The following SLC9A3 variants were observed in gnomAD, a reference collection of about 807,000 sequenced individuals.
SLC9A3 encodes solute carrier family 9 member A3, also known as sodium/hydrogen exchanger 3.
A neutral mutation model predicts 86.8 loss-of-function variants in SLC9A3; 37 were observed. That is an observed-to-expected ratio of 0.43 (90% CI 0.33 to 0.56). SLC9A3 has a LOEUF of 0.56. SLC9A3 is among the 20% of genes least tolerant of loss of function. SLC9A3 has a pLI of 0.06. For synonymous variants in SLC9A3, 581 were observed against 528.3 expected (o/e 1.10, Z -1.37); for missense variants, 1,011 against 1,171.9 (o/e 0.86, Z 2.00).
In SLC9A3 at chr5:476,397, A is replaced by G. The variant is rs780807654; in HGVS notation, c.1891-19T>C. 2 of 1,612,904 alleles carry G rather than the reference A, an allele frequency of 1.2e-6. No individual in the cohort carries two copies. Among genetic ancestry groups the G allele is most frequent in the Non-Finnish European group, 1.7e-6 (2 of 1,179,644 alleles). ...GCTTGTACTGCGGGATCAGGCACGG[A>G]GGTCACAGCTGTGCCCACCGCCGGA... On this transcript the variant is annotated intron_variant, in intron 12 of 16. Transcript: ENST00000264938.
chr5:502,359 C>T (rs1187589440), intron 1 of SLC9A3, among the ~76,000 whole-genome samples: 2 of 152,172 alleles, frequency 1.3e-5, no homozygotes, highest in Admixed American at 6.5e-5. Context: ...CCAAGCTGCC[C>T]ACAGCAGAGG....
intron 1 of SLC9A3, among the ~76,000 whole-genome samples, chr5:517,695 C>T (rs1428950277): frequency 6.6e-6 from 1 of 151,602 alleles, no homozygotes; most frequent in Non-Finnish European, 1.5e-5. Flanking sequence ...TCCATCCACC[C>T]ATCCATCCAT....
At chr5:480,082 C>T (rs1739064990) in intron 9 of SLC9A3, 117 bp from the exon 10 acceptor site, 18 of 1,188,140 alleles carry the variant, frequency 1.5e-5, no homozygotes, top group South Asian at 4.4e-5. Flanking sequence ...CCTGTAGGCG[C>T]GTTTAAAATG....
At chr5:490,333 G>C (rs1739674960) in intron 2 of SLC9A3, among the ~76,000 whole-genome samples, 1 of 116,328 alleles carries the variant, frequency 8.6e-6, no homozygotes, top group Non-Finnish European at 1.9e-5. Context: ...GTGGAGTGCA[G>C]CGTGGCGAGG....
At position 497,662 on chromosome 5, in the gene SLC9A3, C is replaced by T. The variant is rs1434974397; in HGVS notation, c.212-5591G>A. ...GAAGCTTCCAGATCCCCTGCAGCCC[C>T]CCTGAGCCGCTGACCCTGACCCCTG... On this transcript the variant is annotated intron_variant, in intron 1 of 16. Coordinates refer to ENST00000264938, the MANE Select transcript of SLC9A3 (RefSeq NM_004174.4). The surrounding 1 kb of genome is among the most constrained non-coding windows in gnomAD (Gnocchi z 5.4). 6.6e-6 allele frequency among the ~76,000 whole-genome samples: 1 copy of T among 152,212 alleles called. No individual in the cohort carries two copies. Among genetic ancestry groups the T allele is most frequent in the Non-Finnish European group, 1.5e-5 (1 of 68,048 alleles).
chr5:483,080 G>T (rs1346761037), intron 6 of SLC9A3, among the ~76,000 whole-genome samples, 182 bp downstream of exon 6: 1 of 152,090 alleles, frequency 6.6e-6, no homozygotes, highest in Non-Finnish European at 1.5e-5. Flanking sequence ...GAAACCAAGT[G>T]GTTTCCCTTG....
rs1739746531 is a variant in SLC9A3 at position 491,649 on chromosome 5, A to T, written c.514+120T>A. 1.1e-6 allele frequency: 1 copy of T among 922,598 alleles called. No individual in the cohort carries two copies. Among genetic ancestry groups the T allele is most frequent in the Non-Finnish European group, 1.6e-6 (1 of 635,292 alleles). The allele number at this position is 922,598 out of a possible 1,614,324, so 57.2% of individuals were successfully genotyped here. A position where few individuals can be genotyped will look rare whatever the true frequency, so the allele number is the denominator to read the frequency against. On this transcript the variant is annotated intron_variant, in intron 2 of 16. Transcript: ENST00000264938. The surrounding 1 kb of genome is among the most constrained non-coding windows in gnomAD (Gnocchi z 9.2). ...TACGGGGCTGCCAGCCACGTTTCTCACCTGACACTTACCGCCTGGAGGCCA... is the reference window on the plus strand; with the variant it reads ...TACGGGGCTGCCAGCCACGTTTCTCTCCTGACACTTACCGCCTGGAGGCCA...
intron 1 of SLC9A3, among the ~76,000 whole-genome samples, chr5:502,397 C>T (rs1009844827): frequency 7.2e-5 from 11 of 152,344 alleles, no homozygotes; most frequent in Admixed American, 6.5e-4. Context: ...TCCCAGCTGC[C>T]ACCACCTCAG....
chr5:491,698 G>A lies in SLC9A3; in HGVS notation c.514+71C>T. ...CAGGGTGCGGCACCCCGACCTTTCTGAGATGAGGCAGCGCCGCCCCTCCCG... is the reference window on the plus strand; with the variant it reads ...CAGGGTGCGGCACCCCGACCTTTCTAAGATGAGGCAGCGCCGCCCCTCCCG... On this transcript the variant is annotated intron_variant, in intron 2 of 16. Transcript: ENST00000264938. This position sits in a 1 kb window ranked among gnomAD's most constrained non-coding sequence, Gnocchi z 9.2. 1 of 1,374,266 alleles carries A rather than the reference G, an allele frequency of 7.3e-7. No homozygotes were observed. Among genetic ancestry groups the A allele is most frequent in the Non-Finnish European group, 9.8e-7 (1 of 1,025,476 alleles). 85.1% of individuals were successfully genotyped at this position (1,374,266 alleles called of 1,614,324 possible).
rs1316705801 is a variant in SLC9A3, at chr5:496,526, T to C, written c.212-4455A>G. Among the ~76,000 whole-genome samples the C allele has an allele frequency of 6.6e-6, 1 of 152,260 alleles. No individual in the cohort carries two copies. Among genetic ancestry groups the C allele is most frequent in the Non-Finnish European group, 1.5e-5 (1 of 68,048 alleles). On this transcript the variant is annotated intron_variant, in intron 1 of 16. Transcript: ENST00000264938. This position sits in a 1 kb window ranked among gnomAD's most constrained non-coding sequence, Gnocchi z 4.7. ...GTAAGCTGGAAAATCCAGCCTTTGC[T>C]TATGTCTTCAGCGGCAGGTAGATTT...
At chr5:507,163 C>CTCCTTTTTTT in intron 1 of SLC9A3, among the ~76,000 whole-genome samples, 1 of 34,754 alleles carries the variant, frequency 2.9e-5, no homozygotes, top group Non-Finnish European at 5.6e-5. Context: ...CCGGCTGCTG[C>CTCCTTTTTTT]TTCTTTTTTT....
intron 1 of SLC9A3, among the ~76,000 whole-genome samples, chr5:509,162 T>G (rs952463530): frequency 2.1e-5 from 3 of 145,986 alleles, no homozygotes; most frequent in Non-Finnish European, 4.5e-5. Context: ...ATAAAGAAAA[T>G]GTAGGGCCAG....
rs546976396 is a variant in SLC9A3 at position 495,231 on chromosome 5, C to T, written c.212-3160G>A. Among the ~76,000 whole-genome samples the T allele has an allele frequency of 2.0e-5, 3 of 152,226 alleles. No individual in the cohort carries two copies. The South Asian group carries it at 6.2e-4, about 32-fold the overall frequency. On this transcript the variant is annotated intron_variant, in intron 1 of 16. Transcript: ENST00000264938. ...AGGGTTAGGGTCTTTCAGCCACAGT[C>T]TTCCAAAATTAGGTTCACAGCGATC...
chr5:479,977 G>A lies in SLC9A3; in HGVS notation c.1518-12C>T. 1.2e-6 allele frequency: 2 copies of A among 1,609,838 alleles called. No homozygotes were observed. The highest frequency in any genetic ancestry group is 1.7e-6 in the Non-Finnish European group (2 of 1,176,868). On this transcript the variant is annotated splice_polypyrimidine_tract_variant and intron_variant, in intron 9 of 16. Transcript: ENST00000264938. ...CGAAGTGGGACCACCTGTAGGGACA[G>A]ACCTTGGGTGTGAGCCTCAGGTGAC...
rs1379271822 is a variant in SLC9A3, at chr5:482,745, C to A, written c.1159G>T (p.Val387Phe). 2 of 1,600,388 alleles carry A rather than the reference C, an allele frequency of 1.2e-6. No individual in the cohort carries two copies. The highest frequency in any genetic ancestry group is 2.7e-5 in the African/African-American group (2 of 74,782). ...FISVYRAIGVVLQTWLLNRYR... is the reference protein window; with the variant it reads ...FISVYRAIGVFLQTWLLNRYR... ...CGGTTCAGAAGCCAGGTCTGCAGGA[C>A]CACACCTGCGGATGATGGGGCGGGC... Residue 387 changes from valine (V) to phenylalanine (F), a missense_variant, in exon 7 of 17, where the codon GTC becomes TTC. By Grantham distance (50) the Val-to-Phe change is conservative. This residue lies in a region of SLC9A3 where 565 missense variants were observed against 790.0 expected (regional missense o/e 0.72). Coordinates refer to ENST00000264938, the MANE Select transcript of SLC9A3 (RefSeq NM_004174.4).
chr5:481,698 T>C, intron 8 of SLC9A3, 63 bp from the exon 9 acceptor site: 1 of 1,375,224 alleles, frequency 7.3e-7, no homozygotes, highest in Non-Finnish European at 1.0e-6. Context: ...GAGGTGCCCC[T>C]CCACTCCTGG....
chr5:512,731 G>A (rs1733594655), intron 1 of SLC9A3, among the ~76,000 whole-genome samples: 1 of 152,132 alleles, frequency 6.6e-6, no homozygotes. Flanking sequence ...CACTCCTTTT[G>A]GGGTGAGCTG....
chr5:481,377 G>A (rs1560953323), intron 9 of SLC9A3, among the ~76,000 whole-genome samples, 188 bp downstream of exon 9: 1 of 152,144 alleles, frequency 6.6e-6, no homozygotes, highest in African/African-American at 2.4e-5. Flanking sequence ...AACTGCTGCC[G>A]CCAACTCCTT....
chr5:472,384 G>C lies in SLC9A3; in HGVS notation c.*995C>G. 3.0e-6 allele frequency: 1 copy of C among 335,636 alleles called. No individual in the cohort carries two copies. The highest frequency in any genetic ancestry group is 5.8e-6 in the Non-Finnish European group (1 of 171,888). 20.8% of individuals were successfully genotyped at this position (335,636 alleles called of 1,614,324 possible). A position where few individuals can be genotyped will look rare whatever the true frequency, so the allele number is the denominator to read the frequency against. On this transcript the variant is annotated 3_prime_UTR_variant, in exon 17 of 17. Transcript: ENST00000264938. ...CCTCCATGCCCCCTGGTTTGTTAAG[G>C]GGGACAGAGCAGCTGCTGGGCCCCA...
Sources: allele counts gnomAD v4.1 joint callset (sites outside exome capture counted in the v4.1 genomes callset), GRCh38; gene constraint gnomAD v4.1.1; regional missense constraint gnomAD v4.1.1; non-coding constraint Gnocchi (gnomAD v3.1); transcripts MANE v1.5; gene names NCBI Gene and HGNC (gene_info 2026-07-23, HGNC 2026-07-21).